Variants in COG5 observed in about 807,000 individuals in gnomAD.
The protein encoded by COG5 is component of oligomeric golgi complex 5, also known as conserved oligomeric Golgi complex subunit 5.
In COG5, 86 loss-of-function variants were observed where a neutral mutation model predicts 110.4. That is an observed-to-expected ratio of 0.78 (90% CI 0.65 to 0.93). The LOEUF (loss-of-function observed/expected upper bound fraction) is 0.93. COG5 is among the 40% of genes least tolerant of loss of function. The pLI, the probability that COG5 is intolerant of heterozygous loss-of-function variation, is 0.00. For missense variants in COG5, 1,077 were observed against 987.0 expected (o/e 1.09, Z -1.22); for synonymous variants, 360 against 334.6 (o/e 1.08, Z -0.83).
At chr7:107,317,775 G>C (rs1808882535) in intron 11 of COG5, among the ~76,000 whole-genome samples, 1 of 152,036 alleles carries the variant, frequency 6.6e-6, no homozygotes, top group Non-Finnish European at 1.5e-5. Flanking sequence ...AAAATATCAG[G>C]TCTGATGGAA....
intron 8 of COG5, among the ~76,000 whole-genome samples, chr7:107,366,078 T>C (rs2129047770): frequency 6.6e-6 from 1 of 151,998 alleles, no homozygotes; most frequent in Non-Finnish European, 1.5e-5. Context: ...TAAACATATA[T>C]CACCAAAGAA....
intron 6 of COG5, among the ~76,000 whole-genome samples, chr7:107,466,980 A>G (rs1005612282): frequency 2.6e-5 from 4 of 152,236 alleles, no homozygotes; most frequent in African/African-American, 9.6e-5. Context: ...AACTAGCCAC[A>G]AGCTGGGTAA....
chr7:107,474,882 C>G lies in COG5; in HGVS notation c.538+52355G>C. ...ATGAGGCTACAGACATGTCACAAAGCAGTGGTGGGAGAAATGTAGTCTTTG... is the reference window on the plus strand; with the variant it reads ...ATGAGGCTACAGACATGTCACAAAGGAGTGGTGGGAGAAATGTAGTCTTTG... On this transcript the variant is annotated intron_variant, in intron 6 of 21. Transcript: ENST00000297135. This position sits in a 1 kb window ranked among gnomAD's most constrained non-coding sequence, Gnocchi z 5.7. 2 of 1,613,058 alleles carry G rather than the reference C, an allele frequency of 1.2e-6. No individual in the cohort carries two copies. Among genetic ancestry groups the G allele is most frequent in the Non-Finnish European group, 1.7e-6 (2 of 1,179,372 alleles).
intron 10 of COG5, among the ~76,000 whole-genome samples, chr7:107,340,758 T>A (rs955387673): frequency 6.6e-6 from 1 of 152,118 alleles, no homozygotes; most frequent in Non-Finnish European, 1.5e-5. Context: ...ATTAAACATA[T>A]AAACAGAATT....
intron 11 of COG5, among the ~76,000 whole-genome samples, chr7:107,302,276 A>G (rs1228680497): frequency 2.6e-5 from 4 of 152,334 alleles, no homozygotes; most frequent in Non-Finnish European, 4.4e-5. Flanking sequence ...AAGAATATAT[A>G]ATATATGCTA....
In COG5 at chr7:107,203,573, T is replaced by A. The variant is rs775853693; in HGVS notation, c.2433A>T (p.Ala811=). ...GCTGAACCATTATGGGATAAACTGGTGCAAATTCTTTGCCTTCTCTACTTC... is the reference window on the plus strand; with the variant it reads ...GCTGAACCATTATGGGATAAACTGGAGCAAATTCTTTGCCTTCTCTACTTC... ...SVRSREGKEF[A]PVYPIMVQLL... The change falls in exon 22 of 22, where the codon GCA becomes GCT. Residue 811 remains alanine (A), a synonymous_variant. Transcript: ENST00000297135. 5.6e-6 allele frequency: 9 copies of A among 1,614,046 alleles called. No individual in the cohort carries two copies. In the Admixed American group the frequency reaches 1.5e-4, roughly 27 times the overall value.
intron 8 of COG5, among the ~76,000 whole-genome samples, chr7:107,367,518 CTAAG>C (rs1275281728): frequency 1.3e-5 from 2 of 151,882 alleles, no homozygotes; most frequent in Non-Finnish European, 2.9e-5. Flanking sequence ...GGTAACCAAT[CTAAG>C]TGTTCACAAA....
intron 6 of COG5, among the ~76,000 whole-genome samples, chr7:107,506,210 G>T (rs1427890659): frequency 6.6e-6 from 1 of 152,200 alleles, no homozygotes; most frequent in East Asian, 1.9e-4. Context: ...GACTGTGTTA[G>T]TTGGCCTCCA....
intron 14 of COG5, among the ~76,000 whole-genome samples, chr7:107,279,160 A>T (rs1024266710): frequency 6.6e-6 from 1 of 152,154 alleles, no homozygotes; most frequent in African/African-American, 2.4e-5. Context: ...AAGAAGACAT[A>T]TATGTGGCCA....
intron 6 of COG5, among the ~76,000 whole-genome samples, chr7:107,420,941 G>A (rs1437356791): frequency 6.6e-6 from 1 of 152,114 alleles, no homozygotes; most frequent in African/African-American, 2.4e-5. Context: ...AGAATCAAAA[G>A]TCTTCTTTTT....
In COG5 at chr7:107,389,806, G is replaced by C. The variant is rs554854283; in HGVS notation, c.670-17046C>G. Among the ~76,000 whole-genome samples the C allele has an allele frequency of 3.3e-5, 5 of 152,222 alleles. No homozygotes were observed. The South Asian group carries it at 1.0e-3, about 32-fold the overall frequency. ...CAAGTAAAGTCCATGCCACCCCCAA[G>C]ACACTTTATGACACCTGGGACATCT... On this transcript the variant is annotated intron_variant, in intron 7 of 21. Transcript: ENST00000297135.
At chr7:107,404,162 ACTTTT>A (rs1791640883) in intron 7 of COG5, among the ~76,000 whole-genome samples, 1 of 152,200 alleles carries the variant, frequency 6.6e-6, no homozygotes, top group Non-Finnish European at 1.5e-5. Flanking sequence ...TGCTATTTTA[ACTTTT>A]ACAATGAACT....
chr7:107,309,142 G>GA (rs1387001024), intron 11 of COG5, among the ~76,000 whole-genome samples: 1 of 151,688 alleles, frequency 6.6e-6, no homozygotes, highest in Non-Finnish European at 1.5e-5. Context: ...ATTTTTTAAA[G>GA]AAAAAAATAC....
chr7:107,374,692 A>C (rs1179980977), intron 7 of COG5, among the ~76,000 whole-genome samples: 2 of 152,064 alleles, frequency 1.3e-5, no homozygotes, highest in Non-Finnish European at 2.9e-5. Context: ...ATTATATTAC[A>C]AATATAGCTC....
At chr7:107,382,916 C>T (rs568332238) in intron 7 of COG5, among the ~76,000 whole-genome samples, 1 of 152,146 alleles carries the variant, frequency 6.6e-6, no homozygotes, top group Non-Finnish European at 1.5e-5. Flanking sequence ...TCCTGTAAAT[C>T]AAACAGCAGT....
At chr7:107,560,726 A>G (rs1803706442) in intron 1 of COG5, among the ~76,000 whole-genome samples, 1 of 152,214 alleles carries the variant, frequency 6.6e-6, no homozygotes, top group Non-Finnish European at 1.5e-5. Context: ...ATTTGTTCAT[A>G]TGTAGGTTTT....
intron 18 of COG5, among the ~76,000 whole-genome samples, chr7:107,232,631 T>A (rs986351183): frequency 2.6e-5 from 4 of 152,208 alleles, no homozygotes; most frequent in African/African-American, 9.7e-5. Flanking sequence ...AAGATTTCTA[T>A]GCCGCAGGAC....
intron 10 of COG5, among the ~76,000 whole-genome samples, chr7:107,349,369 T>C (rs923273902): frequency 6.6e-6 from 1 of 152,172 alleles, no homozygotes; most frequent in Non-Finnish European, 1.5e-5. Flanking sequence ...TTCCCTATTT[T>C]AGGGGAGAAG....
At chr7:107,283,047 C>T (rs1805312796) in intron 13 of COG5, among the ~76,000 whole-genome samples, 1 of 152,178 alleles carries the variant, frequency 6.6e-6, no homozygotes, top group East Asian at 1.9e-4. Context: ...TATATAATTA[C>T]ATTGTCTGCA....
Sources: gnomAD v4.1 joint callset for allele counts (sites outside exome capture counted in the v4.1 genomes callset) on GRCh38, gnomAD v4.1.1 for gene constraint, Gnocchi (gnomAD v3.1) non-coding constraint, MANE v1.5 for transcripts, NCBI Gene and HGNC (gene_info 2026-07-23, HGNC 2026-07-21) for gene names.